The following VRK2 variants were observed in gnomAD, a reference collection of about 807,000 sequenced individuals.
VRK2 encodes VRK serine/threonine kinase 2.
In VRK2, 60 loss-of-function variants were observed where a neutral mutation model predicts 57.6. The ratio of observed to expected loss-of-function variants is 1.04; its 90% CI spans 0.85 to 1.29. VRK2 has a LOEUF of 1.29. Ranked by LOEUF, VRK2 falls within the 50% of genes most tolerant of loss-of-function variation. The pLI is 0.00. For missense variants in VRK2, 705 were observed against 588.1 expected, an observed-to-expected ratio of 1.20 and a Z score of -2.06; for synonymous variants, 231 against 199.2, an observed-to-expected ratio of 1.16 and a Z score of -1.35.
chr2:57,931,814 C>A (rs1007799237), intron 1 of VRK2, among the ~76,000 whole-genome samples: 1 of 143,376 alleles, frequency 7.0e-6, no homozygotes, highest in Non-Finnish European at 1.5e-5. Context: ...GATCAACTTT[C>A]TTTTTTTTTT....
rs75827942 is a variant in VRK2 at position 58,147,896 on chromosome 2, A to G, written c.1182+1422A>G. Among the ~76,000 whole-genome samples the G allele has an allele frequency of 1.3e-4, 19 of 150,992 alleles. No individual in the cohort carries two copies. The East Asian group carries it at 3.7e-3, about 29-fold the overall frequency. On this transcript the variant is annotated intron_variant, in intron 12 of 12. Coordinates refer to ENST00000340157, the MANE Select transcript of VRK2 (RefSeq NM_006296.7). ...CAGCACTCCATTGTATAACTATATCATAGTTCACATGTCCATTGTGTAACT... is the reference window on the plus strand; with the variant it reads ...CAGCACTCCATTGTATAACTATATCGTAGTTCACATGTCCATTGTGTAACT...
chr2:58,097,500 G>A lies in VRK2; in HGVS notation c.543+7777G>A, dbSNP rs1165531402. 3.9e-5 allele frequency among the ~76,000 whole-genome samples: 6 copies of A among 152,010 alleles called. No homozygotes were observed. In the East Asian group the frequency reaches 1.2e-3, roughly 29 times the overall value. The stretch of plus-strand genomic sequence containing the variant: ...AGTAGTTGTATCATATTTAGCAGAG[G>A]AAATGTAGTTTGTCCCCTGTACTGT... On this transcript the variant is annotated intron_variant, in intron 7 of 12. Coordinates refer to ENST00000340157, the MANE Select transcript of VRK2 (RefSeq NM_006296.7).
At chr2:58,066,664 T>C (rs1253013758) in intron 2 of VRK2, among the ~76,000 whole-genome samples, 1 of 152,316 alleles carries the variant, frequency 6.6e-6, no homozygotes, top group African/African-American at 2.4e-5. Context: ...ATTTTTAAAA[T>C]GTTTTGTATA....
At chr2:58,113,583 A>G (rs906614515) in intron 7 of VRK2, among the ~76,000 whole-genome samples, 10 of 152,102 alleles carry the variant, frequency 6.6e-5, no homozygotes, top group Non-Finnish European at 1.2e-4. Context: ...TTGGGAAGGT[A>G]ATGGAAAATT....
chr2:58,094,986 G>A (rs972192372), intron 7 of VRK2, among the ~76,000 whole-genome samples: 3 of 152,106 alleles, frequency 2.0e-5, no homozygotes, highest in Non-Finnish European at 4.4e-5. Flanking sequence ...GTATTATTTT[G>A]TTTAGTTTCA....
intron 1 of VRK2, among the ~76,000 whole-genome samples, chr2:57,975,926 A>T (rs1672238877): frequency 1.3e-5 from 2 of 151,684 alleles, no homozygotes; most frequent in Non-Finnish European, 2.9e-5. Context: ...CTCACCCTCC[A>T]CCTTCAGGTA....
chr2:58,086,456 TCTTTATAACTATTC>T, intron 5 of VRK2, 30 bp downstream of exon 5: 1 of 1,535,136 alleles, frequency 6.5e-7, no homozygotes, highest in Non-Finnish European at 8.8e-7. Flanking sequence ...ATCAAATATT[TCTTTATAACTATTC>T]CTTATGTGGT....
chr2:57,936,682 A>G (rs770758828), intron 1 of VRK2, among the ~76,000 whole-genome samples: 8 of 151,890 alleles, frequency 5.3e-5, no homozygotes, highest in Non-Finnish European at 8.8e-5. Flanking sequence ...ATTAATTTCT[A>G]TAGTAGAATA....
intron 9 of VRK2, among the ~76,000 whole-genome samples, chr2:58,134,923 G>A (rs1339926428): frequency 6.6e-6 from 1 of 151,922 alleles, no homozygotes; most frequent in East Asian, 1.9e-4. Context: ...CTGCCCCTAC[G>A]TTAGTCTAGG....
At chr2:58,159,248 C>A (rs1488846028) in intron 12 of VRK2, 101 bp from the exon 13 acceptor site, 2 of 890,152 alleles carry the variant, frequency 2.2e-6, no homozygotes, top group African/African-American at 1.7e-5. Context: ...AAAACTTGAT[C>A]TTGTATAACA....
chr2:57,950,497 T>C (rs762237515), intron 1 of VRK2, among the ~76,000 whole-genome samples: 2 of 152,206 alleles, frequency 1.3e-5, no homozygotes, highest in Admixed American at 1.3e-4. Context: ...AAGCCCACTA[T>C]TGAGACCCAC....
intron 1 of VRK2, among the ~76,000 whole-genome samples, chr2:57,959,859 G>A (rs1671702658): frequency 6.6e-6 from 1 of 152,084 alleles, no homozygotes. Flanking sequence ...CGGTGGATGT[G>A]TTCCTCATGT....
intron 12 of VRK2, among the ~76,000 whole-genome samples, chr2:58,153,502 T>C (rs1055922624): frequency 6.6e-6 from 1 of 152,078 alleles, no homozygotes; most frequent in African/African-American, 2.4e-5. Flanking sequence ...ACTGTTACCA[T>C]AGTGGATGAC....
chr2:58,009,154 G>C (rs1213607739), intron 1 of VRK2, among the ~76,000 whole-genome samples: 1 of 152,130 alleles, frequency 6.6e-6, no homozygotes, highest in Non-Finnish European at 1.5e-5. Flanking sequence ...TGGTAGCAGG[G>C]AATATCATTA....
At chr2:58,102,564 G>A (rs1011122469) in intron 7 of VRK2, among the ~76,000 whole-genome samples, 11 of 149,004 alleles carry the variant, frequency 7.4e-5, no homozygotes, top group African/African-American at 1.7e-4. Flanking sequence ...TATACCAGTC[G>A]TAAATATACA....
At chr2:57,921,484 T>C (rs1670347914) in intron 1 of VRK2, among the ~76,000 whole-genome samples, 2 of 152,048 alleles carry the variant, frequency 1.3e-5, no homozygotes, top group Non-Finnish European at 2.9e-5. Flanking sequence ...ATAGGGTAAT[T>C]AGTAAAATAT....
Position 58,088,426 on chromosome 2 carries a change from C to T in VRK2, c.430C>T (p.Leu144=). ...QNGTFKKSTV[L]QLGIRMLDVL... ...TGGTACCTTTAAAAAGTCAACTGTC[C>T]TGCAATTAGGTATCCGAATGGTAAG... Residue 144 remains leucine (L), a synonymous_variant, in exon 6 of 13, where the codon CTG becomes TTG. Coordinates refer to ENST00000340157, the MANE Select transcript of VRK2 (RefSeq NM_006296.7). 4 of 1,612,054 alleles carry T rather than the reference C, an allele frequency of 2.5e-6. No individual in the cohort carries two copies. The highest frequency in any genetic ancestry group is 1.3e-5 in the African/African-American group (1 of 74,982).
intron 8 of VRK2, 23 bp from the exon 9 acceptor site, chr2:58,131,779 ATCTTTC>A (rs768379862): frequency 6.4e-7 from 1 of 1,564,946 alleles, no homozygotes; most frequent in Non-Finnish European, 8.6e-7. Context: ...CTTATCCCTT[ATCTTTC>A]TCTCTAATGC....
chr2:57,913,335 T>G (rs1195650768), intron 1 of VRK2, among the ~76,000 whole-genome samples: 2 of 152,236 alleles, frequency 1.3e-5, no homozygotes, highest in African/African-American at 2.4e-5. Flanking sequence ...GTTAAATGAC[T>G]GTCTATAAAA....
Sources: gnomAD v4.1 joint callset for allele counts (sites outside exome capture counted in the v4.1 genomes callset) on GRCh38, gnomAD v4.1.1 for gene constraint, MANE v1.5 for transcripts, NCBI Gene and HGNC (gene_info 2026-07-23, HGNC 2026-07-21) for gene names.